The following TBC1D15 variants were observed in gnomAD, a reference collection of about 807,000 sequenced individuals.
TBC1D15 encodes GAP for RAB7.
TBC1D15 carries 39 observed loss-of-function variants against 95.4 expected under a neutral mutation model. The observed-to-expected ratio is 0.41, with a 90% confidence interval of 0.32 to 0.53. TBC1D15 has a LOEUF of 0.53. Ranked by LOEUF, TBC1D15 falls within the 20% of genes least tolerant of loss-of-function variation. TBC1D15 has a pLI of 0.29. For synonymous variants in TBC1D15, 258 were observed against 261.3 expected (o/e 0.99, Z 0.12); for missense variants, 733 against 794.3 (o/e 0.92, Z 0.93).
chr12:71,921,443 G>T lies in TBC1D15; in HGVS notation c.1792G>T (p.Val598Leu). 1 of 1,562,624 alleles carries T rather than the reference G, an allele frequency of 6.4e-7. No homozygotes were observed. The highest frequency in any genetic ancestry group is 8.7e-7 in the Non-Finnish European group (1 of 1,146,828). ...GGCAGAAGCAATTTCTCTACAGATGGTAAAATGCAAGGTATACAGTGTTTC... is the reference window on the plus strand; with the variant it reads ...GGCAGAAGCAATTTCTCTACAGATGTTAAAATGCAAGGTATACAGTGTTTC... ...CKAEAISLQM[V>L]KCKELPQAVC... is the part of the protein sequence containing the mutation. The change falls in exon 16 of 17, where the codon GTA becomes TTA. Residue 598 changes from valine (V) to leucine (L), a missense_variant. By Grantham distance (32) the Val-to-Leu change is conservative. Transcript: ENST00000485960.
intron 1 of TBC1D15, chr12:71,868,778 C>T (rs1048214769): frequency 2.6e-5 from 4 of 152,184 alleles, no homozygotes; most frequent in Admixed American, 2.6e-4. Context: ...TTAATGGTAT[C>T]ATAGAACCTT....
At chr12:71,868,981 T>A (rs1592726848) in intron 1 of TBC1D15, 1 of 152,242 alleles carries the variant, frequency 6.6e-6, no homozygotes, top group East Asian at 1.9e-4. Flanking sequence ...ATATCTTTTT[T>A]AAAATAAATT....
chr12:71,852,073 A>G (rs1337176240), intron 1 of TBC1D15, among the ~76,000 whole-genome samples: 1 of 152,184 alleles, frequency 6.6e-6, no homozygotes, highest in East Asian at 1.9e-4. Flanking sequence ...ACATCCTCTG[A>G]ATTCTAGGCA....
intron 1 of TBC1D15, among the ~76,000 whole-genome samples, chr12:71,850,797 G>A (rs571992993): frequency 6.6e-6 from 1 of 151,934 alleles, no homozygotes; most frequent in Non-Finnish European, 1.5e-5. Context: ...GACCATCTTC[G>A]GCAACATGGT....
intron 10 of TBC1D15, among the ~76,000 whole-genome samples, chr12:71,906,064 G>C (rs1348282937): frequency 1.3e-5 from 2 of 151,910 alleles, no homozygotes; most frequent in Non-Finnish European, 2.9e-5. Context: ...GTAGAGACAG[G>C]GTTTCGCCAT....
At chr12:71,913,800 G>A in intron 11 of TBC1D15, 26 bp from the exon 12 acceptor site, 1 of 1,527,190 alleles carries the variant, frequency 6.5e-7, no homozygotes, top group Non-Finnish European at 8.8e-7. Flanking sequence ...TGGGTTTTCA[G>A]AGATGATTTT....
rs535370474 is a variant in TBC1D15, at chr12:71,863,464, T to C, written c.31-8606T>C. Among the ~76,000 whole-genome samples, 19 of 152,342 alleles carry C rather than the reference T, an allele frequency of 1.2e-4. No individual in the cohort carries two copies. In the East Asian group the frequency reaches 3.7e-3, roughly 29 times the overall value. ...TGACTTGACGTTTTTTTCCTGCTGT[T>C]TTTAGAATTCTCTTTTGACAGTTGG... On this transcript the variant is annotated intron_variant, in intron 1 of 16. Coordinates refer to ENST00000485960, the MANE Select transcript of TBC1D15 (RefSeq NM_001146213.3).
intron 4 of TBC1D15, among the ~76,000 whole-genome samples, chr12:71,883,565 T>C (rs916433026): frequency 6.6e-6 from 1 of 152,144 alleles, no homozygotes; most frequent in Admixed American, 6.5e-5. Flanking sequence ...AGAGATCTTA[T>C]TAGAGATGAT....
rs117449675 is a variant in TBC1D15 at position 71,843,785 on chromosome 12, C to T, written c.30+3974C>T. 3.7e-4 allele frequency among the ~76,000 whole-genome samples: 57 copies of T among 152,252 alleles called. 1 individual carries two copies. The highest frequency in any genetic ancestry group is 7.4e-4 in the Non-Finnish European group (50 of 68,014). On this transcript the variant is annotated intron_variant, in intron 1 of 16. Coordinates refer to ENST00000485960, the MANE Select transcript of TBC1D15 (RefSeq NM_001146213.3). ...ATTATTCACGTCTCCTATCTGACTT[C>T]GCTTGGCACACCAATATCCTTGAGA...
chr12:71,887,575 A>G lies in TBC1D15; in HGVS notation c.554+2554A>G, dbSNP rs143306725. ...ACTCTTTCTTGTCTTAAGGTCCTTT[A>G]TGCATACTGTTTTTTCTACTTGGAA... On this transcript the variant is annotated intron_variant, in intron 5 of 16. Transcript: ENST00000485960. Among the ~76,000 whole-genome samples the G allele has an allele frequency of 4.3e-3, 659 of 152,190 alleles. 3 individuals carry two copies. The highest frequency in any genetic ancestry group is 0.016 in the African/African-American group (644 of 41,532).
At chr12:71,884,061 C>T (rs1166125323) in intron 4 of TBC1D15, among the ~76,000 whole-genome samples, 8 of 152,092 alleles carry the variant, frequency 5.3e-5, no homozygotes, top group African/African-American at 2.4e-5. Context: ...GTTAATTTAG[C>T]AATTGAATGT....
At chr12:71,867,813 C>A (rs981500694) in intron 1 of TBC1D15, among the ~76,000 whole-genome samples, 8 of 152,118 alleles carry the variant, frequency 5.3e-5, no homozygotes, top group African/African-American at 1.9e-4. Context: ...AGGTCCATTT[C>A]CTTTGAGCTT....
chr12:71,854,527 CATTA>C (rs1191009958), intron 1 of TBC1D15: 1 of 456,156 alleles, frequency 2.2e-6, no homozygotes. Context: ...TGTTGGCCTG[CATTA>C]ATTCTCTTTT....
chr12:71,894,043 A>G (rs1897704597), intron 6 of TBC1D15, among the ~76,000 whole-genome samples: 1 of 151,996 alleles, frequency 6.6e-6, no homozygotes, highest in African/African-American at 2.4e-5. Flanking sequence ...TATTGTGAAA[A>G]GAATTATTTA....
chr12:71,900,019 A>G (rs1899006026), intron 10 of TBC1D15, among the ~76,000 whole-genome samples: 1 of 152,120 alleles, frequency 6.6e-6, no homozygotes, highest in African/African-American at 2.4e-5. Context: ...GATAGAGTTG[A>G]TAAGACTTTC....
intron 1 of TBC1D15, among the ~76,000 whole-genome samples, chr12:71,840,067 T>C (rs1035975462): frequency 6.6e-6 from 1 of 152,208 alleles, no homozygotes; most frequent in Admixed American, 6.5e-5. Context: ...AGGCTTTTAT[T>C]CGTATTACCT....
At chr12:71,872,801 TATG>T (rs1892964830) in intron 2 of TBC1D15, 125 bp from the exon 3 acceptor site, 3 of 601,480 alleles carry the variant, frequency 5.0e-6, no homozygotes, top group Non-Finnish European at 5.6e-6. Context: ...TTGATTTACA[TATG>T]ATGTTAGCAT....
chr12:71,880,682 C>T (rs2138466152), intron 4 of TBC1D15, 75 bp downstream of exon 4: 7 of 1,441,056 alleles, frequency 4.9e-6, no homozygotes, highest in Non-Finnish European at 6.5e-6. Context: ...AAAGAAGATT[C>T]GTGAATGCTC....
At chr12:71,881,939 A>G (rs1042672510) in intron 4 of TBC1D15, among the ~76,000 whole-genome samples, 35 of 148,530 alleles carry the variant, frequency 2.4e-4, no homozygotes, top group African/African-American at 7.9e-4. Flanking sequence ...AAAAAAAAAA[A>G]GTTAAGGAGG....
Sources: gnomAD v4.1 joint callset for allele counts (sites outside exome capture counted in the v4.1 genomes callset) on GRCh38, gnomAD v4.1.1 for gene constraint, MANE v1.5 for transcripts, NCBI Gene and HGNC (gene_info 2026-07-23, HGNC 2026-07-21) for gene names.